Variants in POR observed in about 807,000 individuals in gnomAD.
The protein encoded by POR is cytochrome p450 oxidoreductase.
In POR, 56 loss-of-function variants were observed where a neutral mutation model predicts 84.0. That is an observed-to-expected ratio of 0.67 (90% CI 0.54 to 0.83). The LOEUF (loss-of-function observed/expected upper bound fraction) is 0.83. Ranked by LOEUF, POR falls within the 40% of genes least tolerant of loss-of-function variation. The pLI is 0.00. For missense variants in POR, 938 were observed against 944.3 expected, an observed-to-expected ratio of 0.99 and a Z score of 0.09; for synonymous variants, 414 against 400.5, an observed-to-expected ratio of 1.03 and a Z score of -0.40.
chr7:75,921,927 G>A (rs546431030), intron 1 of POR, among the ~76,000 whole-genome samples: 1 of 152,034 alleles, frequency 6.6e-6, no homozygotes, highest in Non-Finnish European at 1.5e-5. Flanking sequence ...GGCCAGTCTC[G>A]AACTCCTGGC....
At chr7:75,919,017 TAGAC>T (rs1249616446) in intron 1 of POR, among the ~76,000 whole-genome samples, 2 of 151,190 alleles carry the variant, frequency 1.3e-5, no homozygotes, top group Admixed American at 1.3e-4. Context: ...TTTTTTTTTT[TAGAC>T]AGAGTCTCAC....
At chr7:75,978,631 C>G (rs1788814717) in intron 3 of POR, among the ~76,000 whole-genome samples, 1 of 152,024 alleles carries the variant, frequency 6.6e-6, no homozygotes, top group African/African-American at 2.4e-5. Context: ...CCAAGCGATT[C>G]TCCTGCCTCA....
chr7:75,932,786 G>A (rs1041536728), intron 1 of POR, among the ~76,000 whole-genome samples: 4 of 152,048 alleles, frequency 2.6e-5, no homozygotes, highest in African/African-American at 7.2e-5. Flanking sequence ...TTGGGAGGCC[G>A]AGGTGGGTGG....
At chr7:75,930,404 C>T (rs1807355440) in intron 1 of POR, among the ~76,000 whole-genome samples, 1 of 152,092 alleles carries the variant, frequency 6.6e-6, no homozygotes, top group Non-Finnish European at 1.5e-5. Flanking sequence ...ATCACTTGAT[C>T]CTGGGAGGTA....
chr7:75,968,098 C>T (rs974390968), intron 2 of POR: 7 of 455,360 alleles, frequency 1.5e-5, no homozygotes, highest in Admixed American at 4.7e-5. Context: ...TGCACGTACT[C>T]GTCTCCACCT....
intron 1 of POR, among the ~76,000 whole-genome samples, chr7:75,932,344 C>T (rs1406811447): frequency 6.6e-6 from 1 of 152,052 alleles, no homozygotes; most frequent in Non-Finnish European, 1.5e-5. Context: ...ACACGCCCAG[C>T]TAATTGTTGT....
chr7:75,983,758 T>TG lies in POR; in HGVS notation c.970dup (p.Ala324GlyfsTer33), dbSNP rs1554558528. The TG allele has an allele frequency of 5.6e-6, 9 of 1,612,112 alleles. No individual in the cohort carries two copies. Among genetic ancestry groups the TG allele is most frequent in the African/African-American group, 1.3e-5 (1 of 75,012 alleles). ...TCCAGGTATGAATCTGGGGACCACG[T>TG]GGCTGTGTACCCAGCCAACGACTCT... On this transcript the variant is annotated frameshift_variant, in exon 10 of 16. Coordinates refer to ENST00000461988, the MANE Select transcript of POR (RefSeq NM_000941.3). LOFTEE classifies it high-confidence loss of function.
At chr7:75,943,569 G>C (rs1554551797) in intron 1 of POR, among the ~76,000 whole-genome samples, 1 of 152,108 alleles carries the variant, frequency 6.6e-6, no homozygotes, top group Admixed American at 6.6e-5. Context: ...ACAACCATAG[G>C]CTCCAACTAA....
intron 1 of POR, among the ~76,000 whole-genome samples, chr7:75,941,134 C>T (rs2116337466): frequency 6.6e-6 from 1 of 152,182 alleles, no homozygotes. Context: ...CTGCTTTCCA[C>T]CCTGGGTAAC....
At chr7:75,981,389 G>A (rs985806186) in intron 6 of POR, 128 bp from the exon 7 acceptor site, 45 of 1,208,000 alleles carry the variant, frequency 3.7e-5, no homozygotes, top group Middle Eastern at 2.3e-4. Flanking sequence ...GGTTTATGTC[G>A]CTGGGTGCCC....
intron 1 of POR, among the ~76,000 whole-genome samples, chr7:75,944,243 A>G (rs239957): frequency 0.44 from 66,328 of 152,124 alleles, 19,119 homozygotes; most frequent in African/African-American, 0.82. Context: ...AAAATCAAAA[A>G]AGGCTGGGTG....
chr7:75,961,880 G>A (rs1787960065), intron 2 of POR, among the ~76,000 whole-genome samples: 1 of 152,126 alleles, frequency 6.6e-6, no homozygotes, highest in South Asian at 2.1e-4. Context: ...CAAGTGTGGT[G>A]GCACATGCCT....
At chr7:75,981,871 C>T in intron 7 of POR, 1 of 577,724 alleles carries the variant, frequency 1.7e-6, no homozygotes, top group Middle Eastern at 4.5e-4. Flanking sequence ...CAAAAGGGCT[C>T]ATTTCCTTAA....
At chr7:75,946,218 A>C (rs1787166189) in intron 1 of POR, among the ~76,000 whole-genome samples, 1 of 152,006 alleles carries the variant, frequency 6.6e-6, no homozygotes, top group African/African-American at 2.4e-5. Flanking sequence ...ATTTATAATA[A>C]AAGTCAGGTC....
At chr7:75,963,613 CTACTGGCCTGGGGGTGG>C (rs1436304210) in intron 2 of POR, among the ~76,000 whole-genome samples, 2 of 152,190 alleles carry the variant, frequency 1.3e-5, no homozygotes, top group Non-Finnish European at 2.9e-5. Flanking sequence ...GACATGTGCT[CTACTGGCCTGGGGGTGG>C]TGGGAATGCA....
chr7:75,936,848 A>C (rs1424694549), intron 1 of POR, among the ~76,000 whole-genome samples: 1 of 125,208 alleles, frequency 8.0e-6, no homozygotes. Flanking sequence ...TTTTTTTGAG[A>C]CCGAGTCCTG....
intron 1 of POR, among the ~76,000 whole-genome samples, chr7:75,945,958 C>A (rs1289070175): frequency 1.3e-5 from 2 of 152,154 alleles, no homozygotes; most frequent in African/African-American, 4.8e-5. Flanking sequence ...TGTGTTCTTG[C>A]GTCATTCTCC....
At chr7:75,941,558 C>A (rs1321573331) in intron 1 of POR, among the ~76,000 whole-genome samples, 1 of 152,028 alleles carries the variant, frequency 6.6e-6, no homozygotes, top group Non-Finnish European at 1.5e-5. Flanking sequence ...CTAGAGTAGG[C>A]GCTAATAACT....
At chr7:75,919,550 G>GTTTA (rs1188891982) in intron 1 of POR, among the ~76,000 whole-genome samples, 3 of 151,966 alleles carry the variant, frequency 2.0e-5, no homozygotes, top group Admixed American at 6.6e-5. Context: ...CTCTCTGTAT[G>GTTTA]TTTATTTATT....
Sources: allele counts gnomAD v4.1 joint callset (sites outside exome capture counted in the v4.1 genomes callset), GRCh38; gene constraint gnomAD v4.1.1; transcripts MANE v1.5; gene names NCBI Gene and HGNC (gene_info 2026-07-23, HGNC 2026-07-21).